Variants in LARGE1 observed in about 807,000 individuals in gnomAD.
LARGE1 encodes the protein xylosyl- and glucuronyltransferase LARGE1.
Under a neutral mutation model 87.6 loss-of-function variants are expected in LARGE1, and 43 were observed. The ratio of observed to expected loss-of-function variants is 0.49; its 90% CI spans 0.38 to 0.63. The LOEUF is 0.63. Among genes scored for constraint, LARGE1 ranks in the 30% least tolerant of loss-of-function variants. The pLI is 0.00. For synonymous variants in LARGE1, 434 were observed against 394.6 expected, an observed-to-expected ratio of 1.10 and a Z score of -1.18; for missense variants, 802 against 1,000.2, an observed-to-expected ratio of 0.80 and a Z score of 2.67.
chr22:33,550,403 C>A (rs1051155128), intron 6 of LARGE1, among the ~76,000 whole-genome samples: 2 of 152,074 alleles, frequency 1.3e-5, no homozygotes, highest in African/African-American at 2.4e-5. Flanking sequence ...GATATTTTTG[C>A]GTGTCATAGC....
At chr22:33,199,799 G>A (rs1425693669) in intron 11 of LARGE1, among the ~76,000 whole-genome samples, 1 of 151,488 alleles carries the variant, frequency 6.6e-6, no homozygotes, top group East Asian at 1.9e-4. Flanking sequence ...TGAATTTTTG[G>A]AGGACACATT....
At chr22:33,673,487 C>A (rs2081477007) in intron 2 of LARGE1, among the ~76,000 whole-genome samples, 1 of 152,140 alleles carries the variant, frequency 6.6e-6, no homozygotes, top group African/African-American at 2.4e-5. Context: ...GCCAGCTGAT[C>A]CCCTTGCATC....
chr22:33,434,591 G>A (rs565656498), intron 6 of LARGE1, among the ~76,000 whole-genome samples: 2 of 152,232 alleles, frequency 1.3e-5, no homozygotes, highest in South Asian at 2.1e-4. Context: ...GAGCCACTGC[G>A]CCCAGCCTGG....
At chr22:33,243,586 T>G (rs1393650148) in intron 11 of LARGE1, among the ~76,000 whole-genome samples, 1 of 152,230 alleles carries the variant, frequency 6.6e-6, no homozygotes, top group African/African-American at 2.4e-5. Flanking sequence ...ATTTTTTCCT[T>G]TTATTGCTGA....
intron 6 of LARGE1, among the ~76,000 whole-genome samples, chr22:33,557,813 C>A (rs557851408): frequency 2.6e-5 from 4 of 152,158 alleles, no homozygotes; most frequent in African/African-American, 9.7e-5. Flanking sequence ...GTGATCCACC[C>A]GCCTTAGCCT....
intron 7 of LARGE1, among the ~76,000 whole-genome samples, chr22:33,430,125 AG>A (rs2067025754): frequency 6.6e-6 from 1 of 152,232 alleles, no homozygotes; most frequent in Non-Finnish European, 1.5e-5. Flanking sequence ...CAAGCAAGGC[AG>A]GTTGGTAGTT....
intron 1 of LARGE1, among the ~76,000 whole-genome samples, chr22:33,765,849 T>A (rs2084885851): frequency 6.6e-6 from 1 of 152,088 alleles, no homozygotes; most frequent in Non-Finnish European, 1.5e-5. Flanking sequence ...CTTACTTTCC[T>A]CTTTTCCTCT....
intron 9 of LARGE1, among the ~76,000 whole-genome samples, chr22:33,357,655 A>T (rs567917551): frequency 6.6e-6 from 1 of 152,096 alleles, no homozygotes; most frequent in Non-Finnish European, 1.5e-5. Flanking sequence ...TTAGCCAGGC[A>T]TGGTGGCCCA....
chr22:33,910,555 C>T (rs1450469413), intron 1 of LARGE1, among the ~76,000 whole-genome samples: 1 of 152,172 alleles, frequency 6.6e-6, no homozygotes, highest in Non-Finnish European at 1.5e-5. Context: ...CCTTACGAGA[C>T]TCTTCCTCCC....
chr22:33,267,619 C>T (rs1285925126), downstream of LARGE1, among the ~76,000 whole-genome samples: 2 of 150,966 alleles, frequency 1.3e-5, no homozygotes, highest in African/African-American at 4.9e-5. Context: ...TGACCCAGTA[C>T]CCAGGGACCA....
chr22:33,503,493 C>T (rs1218416768), intron 6 of LARGE1, among the ~76,000 whole-genome samples: 3 of 152,102 alleles, frequency 2.0e-5, no homozygotes, highest in Admixed American at 6.6e-5. Flanking sequence ...AATGAAAACA[C>T]ACATCCATGC....
intron 1 of LARGE1, among the ~76,000 whole-genome samples, chr22:33,819,321 G>C (rs1174465973): frequency 6.6e-6 from 1 of 152,104 alleles, no homozygotes; most frequent in Non-Finnish European, 1.5e-5. Flanking sequence ...GCTGAAAAAT[G>C]AGCTATTCCA....
At chr22:33,850,534 G>C (rs1215848430) in intron 1 of LARGE1, among the ~76,000 whole-genome samples, 2 of 152,194 alleles carry the variant, frequency 1.3e-5, no homozygotes, top group African/African-American at 4.8e-5. Context: ...GCTGAATCCA[G>C]TGTCCAGCAT....
exon 12 of LARGE1, chr22:33,164,229 G>A (rs898032365): frequency 1.3e-5 from 2 of 152,114 alleles, no homozygotes; most frequent in Non-Finnish European, 2.9e-5. Context: ...TCCTGCTGTC[G>A]ATGTCTGACT....
At chr22:33,546,652 T>C (rs957199618) in intron 6 of LARGE1, among the ~76,000 whole-genome samples, 1 of 152,206 alleles carries the variant, frequency 6.6e-6, no homozygotes, top group African/African-American at 2.4e-5. Context: ...TGGTGCAATC[T>C]CAGCTCACTG....
chr22:33,288,085 C>T (rs985782466), intron 12 of LARGE1, among the ~76,000 whole-genome samples: 3 of 152,170 alleles, frequency 2.0e-5, no homozygotes, highest in Admixed American at 1.3e-4. Context: ...ATGATGGTTC[C>T]CTTTCTGTAT....
At chr22:33,734,662 G>A (rs1351926536) in intron 2 of LARGE1, among the ~76,000 whole-genome samples, 1 of 152,092 alleles carries the variant, frequency 6.6e-6, no homozygotes, top group Non-Finnish European at 1.5e-5. Flanking sequence ...TTTCAATGAG[G>A]GAGAGGAGTT....
intron 6 of LARGE1, among the ~76,000 whole-genome samples, chr22:33,494,739 T>C (rs117433932): frequency 1.3e-5 from 2 of 152,364 alleles, no homozygotes; most frequent in Non-Finnish European, 2.9e-5. Context: ...ACTAGGTTAC[T>C]TGGCATCTCT....
At chr22:33,768,581 T>G (rs2084976308) in intron 1 of LARGE1, among the ~76,000 whole-genome samples, 1 of 152,084 alleles carries the variant, frequency 6.6e-6, no homozygotes, top group Non-Finnish European at 1.5e-5. Flanking sequence ...TCCCGGAGGC[T>G]CTCCCTTTTT....
Sources: allele counts gnomAD v4.1 joint callset (sites outside exome capture counted in the v4.1 genomes callset), GRCh38; gene constraint gnomAD v4.1.1; transcripts MANE v1.5; gene names NCBI Gene and HGNC (gene_info 2026-07-23, HGNC 2026-07-21).